Variants in ALMS1 observed in about 807,000 individuals in gnomAD.
ALMS1 encodes the protein centrosome-associated protein ALMS1.
ALMS1 carries 271 observed loss-of-function variants against 352.2 expected under a neutral mutation model. That is an observed-to-expected ratio of 0.77 (90% CI 0.70 to 0.85). The LOEUF (loss-of-function observed/expected upper bound fraction) is 0.85, where lower values mean the gene tolerates loss of function less well. Among genes scored for constraint, ALMS1 ranks in the 40% least tolerant of loss-of-function variants. The pLI is 0.00. For synonymous variants in ALMS1, 1,865 were observed against 1,761.2 expected (o/e 1.06, Z -1.48); for missense variants, 5,445 against 4,870.7 (o/e 1.12, Z -3.51).
rs566788822 is a variant in ALMS1 at position 73,513,423 on chromosome 2, G to T, written c.9540-6352G>T. 3.3e-5 allele frequency among the ~76,000 whole-genome samples: 5 copies of T among 152,170 alleles called. No homozygotes were observed. In the South Asian group the frequency reaches 1.0e-3, roughly 32 times the overall value. On this transcript the variant is annotated intron_variant, in intron 10 of 22. Coordinates refer to ENST00000613296, the MANE Select transcript of ALMS1 (RefSeq NM_001378454.1). The stretch of plus-strand genomic sequence containing the variant: ...CACATTGGTCTCCCTCTACTTGGAT[G>T]CCCTCATCTTGTTTAGGATTTGACT...
chr2:73,468,031 T>A (rs1672392865), intron 9 of ALMS1, among the ~76,000 whole-genome samples: 1 of 151,938 alleles, frequency 6.6e-6, no homozygotes, highest in Non-Finnish European at 1.5e-5. Context: ...TCATCACATA[T>A]AAAAAATAAA....
At chr2:73,564,186 C>A (rs1674730611) in intron 15 of ALMS1, among the ~76,000 whole-genome samples, 1 of 152,002 alleles carries the variant, frequency 6.6e-6, no homozygotes, top group African/African-American at 2.4e-5. Context: ...ATATGTAAGG[C>A]TGGGCACAGT....
Position 73,573,290 on chromosome 2 carries a change from C to T in ALMS1, c.11413C>T (p.Arg3805Ter), listed in dbSNP as rs376091780. Residue 3805 changes from arginine to a stop codon, truncating the protein, a stop_gained, in exon 16 of 23, where the codon CGA (arginine) becomes TGA (stop). Transcript: ENST00000613296. LOFTEE classifies it high-confidence loss of function. ...TGAAAGAGTATGCTTGTCACCCAGA[C>T]GAATTAAATTATATAGCAGCATCAC... is the stretch of plus-strand genomic sequence containing the variant. ...GHERVCLSPR[R>*]IKLYSSITNQ... 1.9e-5 allele frequency: 31 copies of T among 1,613,948 alleles called. No individual in the cohort carries two copies. Among genetic ancestry groups the T allele is most frequent in the Middle Eastern group, 1.6e-4 (1 of 6,084 alleles).
intron 9 of ALMS1, among the ~76,000 whole-genome samples, chr2:73,479,151 T>A (rs563647752): frequency 6.6e-6 from 1 of 152,324 alleles, no homozygotes; most frequent in East Asian, 1.9e-4. Context: ...TAATTTTTTT[T>A]AAGTCAACAT....
chr2:73,573,904 G>C (rs543642316), intron 16 of ALMS1, among the ~76,000 whole-genome samples: 2 of 151,788 alleles, frequency 1.3e-5, no homozygotes, highest in African/African-American at 2.4e-5. Flanking sequence ...TGAAGCTGGG[G>C]TGAGCTACAA....
intron 2 of ALMS1, among the ~76,000 whole-genome samples, chr2:73,415,470 AT>A (rs1671166855): frequency 6.6e-6 from 1 of 152,080 alleles, no homozygotes; most frequent in South Asian, 2.1e-4. Context: ...ACTTTTTTTT[AT>A]TTTCAAGTCA....
In ALMS1 at chr2:73,602,450, C is replaced by G. The variant is rs563894649; in HGVS notation, c.12298+82C>G. 2.4e-4 allele frequency: 366 copies of G among 1,520,070 alleles called. 2 individuals carry two copies. The African/African-American group carries it at 4.3e-3, about 18-fold the overall frequency. The allele number at this position is 1,520,070 out of a possible 1,614,324, so 94.2% of individuals were successfully genotyped here. A position where few individuals can be genotyped will look rare whatever the true frequency, so the allele number is the denominator to read the frequency against. On this transcript the variant is annotated intron_variant, in intron 20 of 22. Coordinates refer to ENST00000613296, the MANE Select transcript of ALMS1 (RefSeq NM_001378454.1). ...CTCTGCTGCAGAGCCCTGCTAAAGG[C>G]CAGCCCAGGCCAGTTACCTGGGCAG...
intron 16 of ALMS1, among the ~76,000 whole-genome samples, chr2:73,581,208 C>T (rs1378862743): frequency 6.6e-6 from 1 of 152,168 alleles, no homozygotes; most frequent in African/African-American, 2.4e-5. Context: ...TTAATTTTTG[C>T]TCCAGGCAGT....
intron 1 of ALMS1, among the ~76,000 whole-genome samples, chr2:73,391,114 T>G (rs537867108): frequency 1.3e-5 from 2 of 151,868 alleles, no homozygotes; most frequent in South Asian, 2.1e-4. Flanking sequence ...TCTGTCAGCT[T>G]CTTTCCCCAT....
intron 3 of ALMS1, among the ~76,000 whole-genome samples, chr2:73,421,215 A>G (rs1434584731): frequency 6.6e-6 from 1 of 152,152 alleles, no homozygotes; most frequent in African/African-American, 2.4e-5. Flanking sequence ...TTCCTTACTT[A>G]TACTTAAATA....
rs542165611 is a variant in ALMS1 at position 73,512,166 on chromosome 2, C to T, written c.9540-7609C>T. ...GTAGCAGGATCTCAGCTCACTGCAACCTCTGCCTCCCGGGTTCAAGCGATT... is the reference window on the plus strand; with the variant it reads ...GTAGCAGGATCTCAGCTCACTGCAATCTCTGCCTCCCGGGTTCAAGCGATT... On this transcript the variant is annotated intron_variant, in intron 10 of 22. Transcript: ENST00000613296. 3.9e-5 allele frequency among the ~76,000 whole-genome samples: 6 copies of T among 152,244 alleles called. No individual in the cohort carries two copies. In the South Asian group the frequency reaches 1.2e-3, roughly 32 times the overall value.
At chr2:73,560,524 C>T (rs759235138) in intron 15 of ALMS1, among the ~76,000 whole-genome samples, 4 of 152,100 alleles carry the variant, frequency 2.6e-5, no homozygotes, top group East Asian at 1.9e-4. Flanking sequence ...TATATGATCC[C>T]GCAATCCCAC....
chr2:73,395,995 G>A (rs1387025199), intron 1 of ALMS1, among the ~76,000 whole-genome samples: 1 of 152,096 alleles, frequency 6.6e-6, no homozygotes, highest in Admixed American at 6.5e-5. Flanking sequence ...AATGTTTTAA[G>A]AAGGTTTACG....
intron 9 of ALMS1, among the ~76,000 whole-genome samples, chr2:73,475,267 A>G (rs1672559700): frequency 1.3e-5 from 2 of 152,126 alleles, no homozygotes; most frequent in Admixed American, 1.3e-4. Context: ...TTACTGGGAC[A>G]TACAGTAACT....
chr2:73,522,192 T>C (rs1572993188), intron 11 of ALMS1, among the ~76,000 whole-genome samples: 1 of 152,222 alleles, frequency 6.6e-6, no homozygotes, highest in Admixed American at 6.5e-5. Flanking sequence ...TCCATCGCCA[T>C]GTGATAGTCA....
chr2:73,405,467 CT>C (rs1186313496), intron 1 of ALMS1, among the ~76,000 whole-genome samples: 5 of 150,544 alleles, frequency 3.3e-5, no homozygotes, highest in South Asian at 4.2e-4. Context: ...TATTTGAGGC[CT>C]TTTTTTTTCT....
At chr2:73,539,342 C>T (rs181987059) in intron 12 of ALMS1, among the ~76,000 whole-genome samples, 253 of 152,180 alleles carry the variant, frequency 1.7e-3, no homozygotes, top group African/African-American at 5.8e-3. Flanking sequence ...TACTAACAAA[C>T]AGAAAGGACA....
chr2:73,397,729 G>T (rs996339281), intron 1 of ALMS1, among the ~76,000 whole-genome samples: 1 of 152,146 alleles, frequency 6.6e-6, no homozygotes, highest in East Asian at 1.9e-4. Context: ...CGGCCTCCCA[G>T]AGTGCTGGGA....
intron 7 of ALMS1, among the ~76,000 whole-genome samples, chr2:73,434,340 A>G (rs939886441): frequency 5.3e-5 from 8 of 152,068 alleles, no homozygotes; most frequent in African/African-American, 1.7e-4. Flanking sequence ...CTTATTTTCT[A>G]GTTTACATTG....
Sources: gnomAD v4.1 joint callset for allele counts (sites outside exome capture counted in the v4.1 genomes callset) on GRCh38, gnomAD v4.1.1 for gene constraint, MANE v1.5 for transcripts, NCBI Gene and HGNC (gene_info 2026-07-23, HGNC 2026-07-21) for gene names.